Variants in FMN1 observed in about 807,000 individuals in gnomAD.
FMN1 encodes formin 1, also known as formin-1.
FMN1 carries 110 observed loss-of-function variants against 132.4 expected under a neutral mutation model. The observed-to-expected ratio is 0.83, with a 90% CI of 0.71 to 0.97. FMN1 has a LOEUF of 0.97. FMN1 is among the 50% of genes least tolerant of loss of function. The pLI is 0.00. For synonymous variants in FMN1, 722 were observed against 651.7 expected, an observed-to-expected ratio of 1.11 and a Z score of -1.64; for missense variants, 1,792 against 1,705.3, an observed-to-expected ratio of 1.05 and a Z score of -0.90.
At chr15:33,012,311 G>A (rs1021312711) in intron 6 of FMN1, 23 of 776,438 alleles carry the variant, frequency 3.0e-5, no homozygotes, top group Admixed American at 2.6e-4. Flanking sequence ...ATATGCCACC[G>A]TGGAGGAGGC....
chr15:33,060,354 TTGAC>T (rs951947974), intron 6 of FMN1, among the ~76,000 whole-genome samples: 9 of 152,174 alleles, frequency 5.9e-5, no homozygotes, highest in Admixed American at 1.3e-4. Flanking sequence ...ATAACTCTCT[TTGAC>T]TGATAAAGCA....
chr15:33,116,115 C>T (rs987705036), intron 4 of FMN1, among the ~76,000 whole-genome samples: 1 of 152,136 alleles, frequency 6.6e-6, no homozygotes, highest in Non-Finnish European at 1.5e-5. Flanking sequence ...ATGTCCCTGG[C>T]ATTTGGATAG....
chr15:33,113,105 C>T (rs2039775033), intron 4 of FMN1, among the ~76,000 whole-genome samples: 1 of 152,212 alleles, frequency 6.6e-6, no homozygotes, highest in South Asian at 2.1e-4. Flanking sequence ...GGCATATCTA[C>T]CTCTCAATAT....
intron 9 of FMN1, among the ~76,000 whole-genome samples, chr15:32,937,581 C>T (rs1234154115): frequency 6.6e-6 from 1 of 152,172 alleles, no homozygotes; most frequent in African/African-American, 2.4e-5. Flanking sequence ...CTTTTAGTTT[C>T]TGAGAGGCAA....
intron 7 of FMN1, among the ~76,000 whole-genome samples, chr15:32,994,514 G>C (rs1480105808): frequency 6.6e-6 from 1 of 152,118 alleles, no homozygotes; most frequent in South Asian, 2.1e-4. Context: ...GACCCCATCA[G>C]AGCAGCTCCA....
intron 4 of FMN1, among the ~76,000 whole-genome samples, chr15:33,128,863 A>G (rs1453651713): frequency 6.6e-6 from 1 of 152,218 alleles, no homozygotes; most frequent in African/African-American, 2.4e-5. Flanking sequence ...CAGACTGCAG[A>G]GGCCTGCGTG....
chr15:32,964,848 T>C (rs1296641797), intron 8 of FMN1, among the ~76,000 whole-genome samples: 2 of 152,108 alleles, frequency 1.3e-5, no homozygotes, highest in African/African-American at 4.8e-5. Flanking sequence ...CCCTAAACAA[T>C]ACTAACAACA....
At chr15:32,855,157 T>TAAAAAAAAAAAAA (rs750275479) in intron 17 of FMN1, among the ~76,000 whole-genome samples, 3 of 85,540 alleles carry the variant, frequency 3.5e-5, no homozygotes, top group African/African-American at 8.1e-5. Flanking sequence ...ACGTGGAGAG[T>TAAAAAAAAAAAAA]AAAAAAAAAA....
chr15:33,103,478 C>T (rs16964922), intron 4 of FMN1, among the ~76,000 whole-genome samples: 8,871 of 152,146 alleles, frequency 0.058, 847 homozygotes, highest in African/African-American at 0.2. Flanking sequence ...CTGCTCAGTG[C>T]TGAATTAGAC....
At chr15:33,071,419 A>C (rs752972827) in intron 5 of FMN1, among the ~76,000 whole-genome samples, 6 of 152,218 alleles carry the variant, frequency 3.9e-5, no homozygotes, top group African/African-American at 7.2e-5. Flanking sequence ...TCTATTAAGA[A>C]GACTTCTTCA....
At chr15:33,046,754 C>CTT (rs1334703556) in intron 6 of FMN1, among the ~76,000 whole-genome samples, 1 of 152,020 alleles carries the variant, frequency 6.6e-6, no homozygotes, top group Non-Finnish European at 1.5e-5. Flanking sequence ...TCTGGTCTCT[C>CTT]TCTCTGTGCA....
At chr15:33,008,979 T>G (rs756701789) in intron 6 of FMN1, among the ~76,000 whole-genome samples, 1 of 152,210 alleles carries the variant, frequency 6.6e-6, no homozygotes, top group African/African-American at 2.4e-5. Flanking sequence ...TTTCTCCAAG[T>G]AGATTTCCTA....
chr15:33,110,308 T>G (rs1213993448), intron 4 of FMN1, among the ~76,000 whole-genome samples: 1 of 152,078 alleles, frequency 6.6e-6, no homozygotes, highest in East Asian at 1.9e-4. Context: ...AAACAATATT[T>G]ATGAAAAGTT....
intron 7 of FMN1, among the ~76,000 whole-genome samples, chr15:32,992,600 T>C (rs1440676163): frequency 6.6e-6 from 1 of 152,192 alleles, no homozygotes; most frequent in Non-Finnish European, 1.5e-5. Context: ...AAATGTTCGA[T>C]AAGACATATG....
intron 13 of FMN1, chr15:32,900,385 T>C (rs2060266359): frequency 3.3e-6 from 2 of 601,594 alleles, no homozygotes; most frequent in South Asian, 1.8e-5. Context: ...ATTGGTTTTA[T>C]ATTTTCATTT....
chr15:32,836,484 G>C (rs1020247666), intron 17 of FMN1, among the ~76,000 whole-genome samples: 3 of 152,056 alleles, frequency 2.0e-5, no homozygotes, highest in African/African-American at 7.2e-5. Context: ...CTTTACCTCA[G>C]CAACTCTTTC....
intron 15 of FMN1, among the ~76,000 whole-genome samples, chr15:32,893,518 A>T (rs961171161): frequency 1.3e-5 from 2 of 152,250 alleles, no homozygotes; most frequent in African/African-American, 4.8e-5. Flanking sequence ...ACAGACCAAG[A>T]CTTGGACCAA....
chr15:33,069,042 A>G (rs1337598484), intron 5 of FMN1, among the ~76,000 whole-genome samples: 1 of 152,166 alleles, frequency 6.6e-6, no homozygotes, highest in Non-Finnish European at 1.5e-5. Context: ...TATTAGACAA[A>G]ACAATTTGAA....
intron 17 of FMN1, among the ~76,000 whole-genome samples, chr15:32,820,477 C>T (rs577387338): frequency 6.6e-6 from 1 of 152,186 alleles, no homozygotes; most frequent in South Asian, 2.1e-4. Flanking sequence ...ATAAAGTCCC[C>T]CTGATAGCCC....
Sources: allele counts gnomAD v4.1 joint callset (sites outside exome capture counted in the v4.1 genomes callset), GRCh38; gene constraint gnomAD v4.1.1; transcripts MANE v1.5; gene names NCBI Gene and HGNC (gene_info 2026-07-23, HGNC 2026-07-21).